MCPH1: variants seen among roughly 807,000 people sequenced by gnomAD.
The protein encoded by MCPH1 is microcephalin 1.
MCPH1 carries 104 observed loss-of-function variants against 84.5 expected under a neutral mutation model. The observed-to-expected ratio is 1.23, with a 90% CI of 1.05 to 1.45. The LOEUF is 1.45. Among genes scored for constraint, MCPH1 ranks in the 40% most tolerant of loss-of-function variants. MCPH1 has a pLI of 0.00. For synonymous variants in MCPH1, 514 were observed against 366.8 expected (o/e 1.40, Z -4.58); for missense variants, 1,498 against 1,005.7 (o/e 1.49, Z -6.62).
intron 9 of MCPH1, among the ~76,000 whole-genome samples, chr8:6,455,614 G>A (rs1225172790): frequency 6.6e-6 from 1 of 152,120 alleles, no homozygotes; most frequent in Non-Finnish European, 1.5e-5. Context: ...ATTCACTTTT[G>A]AACTAACCAA....
At chr8:6,442,935 T>A (rs981022994) in intron 7 of MCPH1, among the ~76,000 whole-genome samples, 1 of 152,250 alleles carries the variant, frequency 6.6e-6, no homozygotes, top group African/African-American at 2.4e-5. Context: ...CTCTGTGTGC[T>A]GGAATTATTT....
At chr8:6,458,640 A>G (rs921399837) in intron 9 of MCPH1, among the ~76,000 whole-genome samples, 2 of 151,942 alleles carry the variant, frequency 1.3e-5, no homozygotes, top group African/African-American at 4.8e-5. Context: ...CATTAAATTT[A>G]TTTTATTTTA....
chr8:6,471,936 G>C (rs772036447), intron 9 of MCPH1, among the ~76,000 whole-genome samples: 1 of 152,134 alleles, frequency 6.6e-6, no homozygotes, highest in African/African-American at 2.4e-5. Flanking sequence ...TATGGTTCTC[G>C]TATTACTGAT....
chr8:6,640,123 T>TGC (rs1241972909), intron 13 of MCPH1, among the ~76,000 whole-genome samples: 60 of 150,730 alleles, frequency 4.0e-4, no homozygotes, highest in African/African-American at 1.3e-3. Context: ...TGTGTGTGCG[T>TGC]GTGTGTGTGT....
intron 4 of MCPH1, among the ~76,000 whole-genome samples, chr8:6,435,231 T>C (rs1468557097): frequency 6.6e-6 from 1 of 152,178 alleles, no homozygotes; most frequent in Non-Finnish European, 1.5e-5. Flanking sequence ...TATTACTGTG[T>C]TGTGGTCTTG....
chr8:6,472,249 T>A (rs1807824164), intron 9 of MCPH1, among the ~76,000 whole-genome samples: 1 of 152,158 alleles, frequency 6.6e-6, no homozygotes, highest in Non-Finnish European at 1.5e-5. Context: ...TCAAGAGGGT[T>A]ATTTTAGAGG....
At chr8:6,530,775 C>G (rs923053957) in intron 12 of MCPH1, among the ~76,000 whole-genome samples, 3 of 152,104 alleles carry the variant, frequency 2.0e-5, no homozygotes, top group African/African-American at 7.2e-5. Context: ...TTTTGTTAAT[C>G]TATCATTTCA....
chr8:6,420,235 T>C (rs1799972665), intron 3 of MCPH1, among the ~76,000 whole-genome samples: 1 of 152,148 alleles, frequency 6.6e-6, no homozygotes, highest in African/African-American at 2.4e-5. Flanking sequence ...ACCCCTTCCC[T>C]GGAGTGGGTG....
rs1798244410 is a variant in MCPH1, at chr8:6,646,973, G to A, written c.*3924G>A. 1 of 151,756 alleles carries A rather than the reference G, an allele frequency of 6.6e-6. No homozygotes were observed. The highest frequency in any genetic ancestry group is 2.1e-4 in the South Asian group (1 of 4,808). 9.4% of individuals were successfully genotyped at this position (151,756 alleles called of 1,614,324 possible). A position where few individuals can be genotyped will look rare whatever the true frequency, so the allele number is the denominator to read the frequency against. ...AAGTTGGGCTTTGTCAAAATTTTAA[G>A]TTTTGCTCTTCTGAAGAAACCATTA... On this transcript the variant is annotated 3_prime_UTR_variant, in exon 14 of 14. Coordinates refer to ENST00000344683, the MANE Select transcript of MCPH1 (RefSeq NM_024596.5).
rs1692263372 is a variant in MCPH1 at position 6,643,571 on chromosome 8, C to G, written c.*522C>G. ...AGTCATGATCATAATTGAAAGGTCA[C>G]AGAACCTTTGTCATTAGAGCACAGT... On this transcript the variant is annotated 3_prime_UTR_variant, in exon 14 of 14. Coordinates refer to ENST00000344683, the MANE Select transcript of MCPH1 (RefSeq NM_024596.5). The G allele has an allele frequency of 5.9e-6, 1 of 169,658 alleles. No individual in the cohort carries two copies. The highest frequency in any genetic ancestry group is 1.4e-4 in the South Asian group (1 of 7,040). The allele number at this position is 169,658 out of a possible 1,614,324, so 10.5% of individuals were successfully genotyped here. A position where few individuals can be genotyped will look rare whatever the true frequency, so the allele number is the denominator to read the frequency against.
At chr8:6,517,490 A>T (rs954745389) in intron 12 of MCPH1, among the ~76,000 whole-genome samples, 2 of 152,248 alleles carry the variant, frequency 1.3e-5, no homozygotes, top group Non-Finnish European at 2.9e-5. Flanking sequence ...TTCAAAACTA[A>T]AGCTGCAGTA....
chr8:6,448,386 G>T (rs1804684962), intron 8 of MCPH1, among the ~76,000 whole-genome samples: 1 of 152,228 alleles, frequency 6.6e-6, no homozygotes, highest in Admixed American at 6.5e-5. Flanking sequence ...TGAGCTGCAG[G>T]AAGGAGGTTG....
At position 6,445,472 on chromosome 8, in the gene MCPH1, C is replaced by G. The variant is rs746307403; in HGVS notation, c.1750C>G (p.Pro584Ala). 2 of 1,614,106 alleles carry G rather than the reference C, an allele frequency of 1.2e-6. No individual in the cohort carries two copies. Among genetic ancestry groups the G allele is most frequent in the Non-Finnish European group, 1.7e-6 (2 of 1,180,044 alleles). Residue 584 changes from proline (P) to alanine (A), a missense_variant, in exon 8 of 14, where the codon CCA becomes GCA. Pro to Ala is a conservative substitution (Grantham distance 27). Transcript: ENST00000344683. ...SEGEAQSEHEPCFIVDCNMET... is the reference protein window; with the variant it reads ...SEGEAQSEHEACFIVDCNMET... ...AGGCGAAGCCCAGAGTGAACATGAG[C>G]CATGTTTTATAGTTGACTGTAACAT...
intron 12 of MCPH1, among the ~76,000 whole-genome samples, chr8:6,572,173 C>T (rs1352448332): frequency 1.4e-5 from 1 of 72,138 alleles, no homozygotes; most frequent in African/African-American, 4.8e-5. Flanking sequence ...TTCTTGACAT[C>T]GGTTTCCCTC....
Position 6,643,284 on chromosome 8 carries a change from A to T in MCPH1, c.*235A>T. 5.6e-6 allele frequency: 3 copies of T among 532,066 alleles called. No individual in the cohort carries two copies. Among genetic ancestry groups the T allele is most frequent in the Non-Finnish European group, 1.0e-5 (3 of 298,594 alleles). The allele number at this position is 532,066 out of a possible 1,614,324, so 33.0% of individuals were successfully genotyped here. A position where few individuals can be genotyped will look rare whatever the true frequency, so the allele number is the denominator to read the frequency against. On this transcript the variant is annotated 3_prime_UTR_variant, in exon 14 of 14. Coordinates refer to ENST00000344683, the MANE Select transcript of MCPH1 (RefSeq NM_024596.5). ...TTTTTATTTTATTTTTTATTTTTTG[A>T]GACGGAGTCCTGCCCTGTTTCCCAG...
At chr8:6,489,098 A>G (rs555688106) in intron 11 of MCPH1, among the ~76,000 whole-genome samples, 3 of 152,262 alleles carry the variant, frequency 2.0e-5, no homozygotes, top group African/African-American at 7.2e-5. Context: ...GGGTACAATA[A>G]AAAATTGATG....
At chr8:6,590,755 G>C (rs1828395055) in intron 12 of MCPH1, among the ~76,000 whole-genome samples, 2 of 152,242 alleles carry the variant, frequency 1.3e-5, no homozygotes, top group East Asian at 3.8e-4. Context: ...GGGTAGGTAT[G>C]ATGGTGATCT....
intron 12 of MCPH1, among the ~76,000 whole-genome samples, chr8:6,517,887 A>G (rs1274651532): frequency 6.6e-6 from 1 of 152,216 alleles, no homozygotes; most frequent in African/African-American, 2.4e-5. Flanking sequence ...AACAATTGAC[A>G]CCACTTATTT....
intron 9 of MCPH1, among the ~76,000 whole-genome samples, chr8:6,470,353 C>A (rs529411494): frequency 6.6e-6 from 1 of 151,994 alleles, no homozygotes; most frequent in Admixed American, 6.6e-5. Context: ...GCGCGATCTC[C>A]GCTCACTGCA....
Sources: allele counts gnomAD v4.1 joint callset (sites outside exome capture counted in the v4.1 genomes callset), GRCh38; gene constraint gnomAD v4.1.1; transcripts MANE v1.5; gene names NCBI Gene and HGNC (gene_info 2026-07-23, HGNC 2026-07-21).